Variants in JMJD1C observed in about 807,000 individuals in gnomAD.
JMJD1C encodes the protein jumonji domain containing 1C.
In JMJD1C, 31 loss-of-function variants were observed where a neutral mutation model predicts 245.3. The observed-to-expected ratio is 0.13, with a 90% CI of 0.09 to 0.17. The LOEUF (loss-of-function observed/expected upper bound fraction) is 0.17, where lower values mean the gene tolerates loss of function less well. Ranked by LOEUF, JMJD1C falls within the 10% of genes least tolerant of loss-of-function variation. JMJD1C has a pLI of 1.00. For missense variants in JMJD1C, 2,691 were observed against 3,000.2 expected, an observed-to-expected ratio of 0.90 and a Z score of 2.41; for synonymous variants, 1,057 against 1,017.4, an observed-to-expected ratio of 1.04 and a Z score of -0.74.
chr10:63,402,891 C>T (rs1483929070), intron 1 of JMJD1C, among the ~76,000 whole-genome samples: 3 of 152,134 alleles, frequency 2.0e-5, no homozygotes, highest in African/African-American at 4.8e-5. Context: ...CTAGTTAAGT[C>T]CCTGAAGATC....
At chr10:63,321,170 T>G (rs2134108461) in intron 2 of JMJD1C, among the ~76,000 whole-genome samples, 1 of 152,346 alleles carries the variant, frequency 6.6e-6, no homozygotes, top group East Asian at 1.9e-4. Flanking sequence ...ATCCCATGTA[T>G]CTTCATCTGG....
At chr10:63,195,330 G>C (rs1020536743) in intron 13 of JMJD1C, among the ~76,000 whole-genome samples, 5 of 149,746 alleles carry the variant, frequency 3.3e-5, no homozygotes, top group African/African-American at 1.2e-4. Flanking sequence ...CTCCAGCCTG[G>C]GTGATAGAGC....
intron 2 of JMJD1C, among the ~76,000 whole-genome samples, chr10:63,286,908 T>A (rs7477138): frequency 0.14 from 21,435 of 152,128 alleles, 3,452 homozygotes; most frequent in African/African-American, 0.4. Context: ...ATTCAATCAT[T>A]GTTGATCTCA....
In JMJD1C at chr10:63,200,539, C is replaced by A; in HGVS notation, c.5213G>T (p.Arg1738Leu). Residue 1738 changes from arginine to leucine, a missense_variant, in exon 11 of 26, where the codon CGC (arginine) becomes CTC (leucine). Around this residue, in one of 9 missense-constraint regions of JMJD1C, gnomAD observed 139 missense variants for 270.5 expected, o/e 0.51. Coordinates refer to ENST00000399262, the MANE Select transcript of JMJD1C (RefSeq NM_032776.3). ...LQKCRECRLI[R>L]SKKGEEPAHS... is the part of the protein sequence containing the mutation. The stretch of plus-strand genomic sequence containing the variant: ...AGCTGGTTCTTCTCCTTTTTTACTG[C>A]GAATAAGTCTACATTCTCGACACTT... 1 of 1,613,886 alleles carries A rather than the reference C, an allele frequency of 6.2e-7. No homozygotes were observed. The highest frequency in any genetic ancestry group is 8.5e-7 in the Non-Finnish European group (1 of 1,179,862).
intron 1 of JMJD1C, among the ~76,000 whole-genome samples, chr10:63,471,673 A>C (rs1953495432): frequency 6.6e-6 from 1 of 152,188 alleles, no homozygotes; most frequent in East Asian, 1.9e-4. Flanking sequence ...GTACTAAATA[A>C]CAGTTTTTAA....
chr10:63,346,279 G>A (rs773839640), intron 2 of JMJD1C, among the ~76,000 whole-genome samples: 4 of 152,124 alleles, frequency 2.6e-5, no homozygotes, highest in Non-Finnish European at 5.9e-5. Flanking sequence ...TAGCTGAGAA[G>A]CAACTAAAAT....
At chr10:63,221,250 A>C (rs1848568666) in intron 3 of JMJD1C, among the ~76,000 whole-genome samples, 1 of 152,194 alleles carries the variant, frequency 6.6e-6, no homozygotes, top group South Asian at 2.1e-4. Flanking sequence ...AAAAATAAAA[A>C]AGGACCCCTA....
At chr10:63,378,728 T>G (rs1314663467) in intron 2 of JMJD1C, among the ~76,000 whole-genome samples, 1 of 152,242 alleles carries the variant, frequency 6.6e-6, no homozygotes. Context: ...CCTATACATC[T>G]AATTATTCAT....
chr10:63,285,629 G>A (rs1194533777), intron 2 of JMJD1C, among the ~76,000 whole-genome samples: 1 of 152,092 alleles, frequency 6.6e-6, no homozygotes, highest in Non-Finnish European at 1.5e-5. Flanking sequence ...GCAACCTGGG[G>A]AGATCCCATT....
At chr10:63,474,337 T>TAA (rs1157192863) in intron 1 of JMJD1C, among the ~76,000 whole-genome samples, 5 of 152,130 alleles carry the variant, frequency 3.3e-5, no homozygotes, top group African/African-American at 1.2e-4. Flanking sequence ...AGAGTGCTTA[T>TAA]AAAGCGGGCA....
intron 20 of JMJD1C, 35 bp downstream of exon 20, chr10:63,185,528 C>T: frequency 8.0e-7 from 1 of 1,248,934 alleles, no homozygotes; most frequent in Non-Finnish European, 1.2e-6. Context: ...AGCTCGATCT[C>T]AAAAAGTCAA....
intron 3 of JMJD1C, among the ~76,000 whole-genome samples, chr10:63,221,199 A>G (rs376909636): frequency 6.6e-6 from 1 of 152,192 alleles, no homozygotes; most frequent in Non-Finnish European, 1.5e-5. Context: ...AATAAAAAAC[A>G]ATTTGGCAAC....
At chr10:63,456,358 C>T (rs1952414025) in intron 1 of JMJD1C, among the ~76,000 whole-genome samples, 1 of 152,068 alleles carries the variant, frequency 6.6e-6, no homozygotes, top group South Asian at 2.1e-4. Flanking sequence ...ACTTTAAATT[C>T]TTATACAAAT....
At chr10:63,457,919 T>A (rs1352147217) in intron 1 of JMJD1C, among the ~76,000 whole-genome samples, 1 of 152,242 alleles carries the variant, frequency 6.6e-6, no homozygotes, top group African/African-American at 2.4e-5. Context: ...AAACAGATTG[T>A]GAGCTGCTGT....
chr10:63,254,293 A>G (rs1853539609), intron 3 of JMJD1C, among the ~76,000 whole-genome samples: 2 of 152,320 alleles, frequency 1.3e-5, no homozygotes, highest in East Asian at 3.9e-4. Context: ...CGAGGGAACA[A>G]ATGAATCTGA....
At chr10:63,237,096 G>A (rs1211922329) in intron 3 of JMJD1C, among the ~76,000 whole-genome samples, 4 of 152,104 alleles carry the variant, frequency 2.6e-5, no homozygotes, top group African/African-American at 9.7e-5. Flanking sequence ...GGAGTGCAAT[G>A]GCGCAATCTC....
rs1564608658 is a variant in JMJD1C at position 63,208,022 on chromosome 10, C to T, written c.3647G>A (p.Ser1216Asn). Residue 1216 changes from serine (S) to asparagine (N), a missense_variant, in exon 10 of 26, where the codon AGC (serine) becomes AAC (asparagine). Physicochemically the swap from Ser to Asn is conservative, Grantham distance 46. Coordinates refer to ENST00000399262, the MANE Select transcript of JMJD1C (RefSeq NM_032776.3). ...ATAGCTGCCTTCCTTTCTTTCCAGG[C>T]TGTGATGGATTGGTGGGTGAAATAC... is the stretch of plus-strand genomic sequence containing the variant. ...APVFHPPIHH[S>N]LERKEGSYSS... 1.1e-5 allele frequency: 17 copies of T among 1,614,142 alleles called. No homozygotes were observed. Among genetic ancestry groups the T allele is most frequent in the Non-Finnish European group, 1.4e-5 (16 of 1,180,000 alleles).
chr10:63,411,597 C>A lies in JMJD1C; in HGVS notation c.169-31115G>T, dbSNP rs1267337073. On this transcript the variant is annotated intron_variant, in intron 1 of 25. Transcript: ENST00000399262. ...TACAGGCGTGAGCCACCACACTCGGCCTGATTTTTTTTTTTTTTTTTTTGA... is the reference window on the plus strand; with the variant it reads ...TACAGGCGTGAGCCACCACACTCGGACTGATTTTTTTTTTTTTTTTTTTGA... 6.1e-5 allele frequency among the ~76,000 whole-genome samples: 9 copies of A among 146,592 alleles called. No homozygotes were observed. In the South Asian group the frequency reaches 2.0e-3, roughly 32 times the overall value.
intron 3 of JMJD1C, among the ~76,000 whole-genome samples, chr10:63,260,153 C>T (rs897423109): frequency 6.6e-5 from 10 of 152,270 alleles, no homozygotes; most frequent in Non-Finnish European, 1.3e-4. Flanking sequence ...GATAAACATG[C>T]GGTATAATTT....
Sources: allele counts gnomAD v4.1 joint callset (sites outside exome capture counted in the v4.1 genomes callset), GRCh38; gene constraint gnomAD v4.1.1; regional missense constraint gnomAD v4.1.1; transcripts MANE v1.5; gene names NCBI Gene and HGNC (gene_info 2026-07-23, HGNC 2026-07-21).